The following LRRC4C variants were observed in gnomAD, a reference collection of about 807,000 sequenced individuals.
LRRC4C encodes the protein leucine-rich repeat-containing protein 4C.
Under a neutral mutation model 33.6 loss-of-function variants are expected in LRRC4C, and 5 were observed. The ratio of observed to expected loss-of-function variants is 0.15; its 90% CI spans 0.08 to 0.31. LRRC4C has a LOEUF of 0.31. Ranked by LOEUF, LRRC4C falls within the 10% of genes least tolerant of loss-of-function variation. The probability of loss-of-function intolerance (pLI) is 1.00; values close to 1 mark genes in which losing one functional copy is unlikely to be tolerated. For synonymous variants in LRRC4C, 329 were observed against 302.0 expected (o/e 1.09, Z -0.93); for missense variants, 560 against 796.7 (o/e 0.70, Z 3.58).
chr11:40,861,167 C>T (rs1015595377), intron 2 of LRRC4C, among the ~76,000 whole-genome samples: 1 of 151,580 alleles, frequency 6.6e-6, no homozygotes, highest in Non-Finnish European at 1.5e-5. Flanking sequence ...TAAAGAATAC[C>T]CTCAAAATAT....
Position 40,787,700 on chromosome 11 carries a change from T to C in LRRC4C, c.-406-139422A>G, listed in dbSNP as rs543369655. On this transcript the variant is annotated intron_variant, in intron 2 of 6. Transcript: ENST00000528697. ...TTATTTTGGCAATTTAAAAAGATCC[T>C]ATTAAAGGCACATAATTTAAATATA... Among the ~76,000 whole-genome samples, 28 of 152,344 alleles carry C rather than the reference T, an allele frequency of 1.8e-4. 1 individual carries two copies. The South Asian group carries it at 5.4e-3, about 29-fold the overall frequency.
rs1010451730 is a variant in LRRC4C, at chr11:40,660,188, C to T, written c.-406-11910G>A. 2.0e-5 allele frequency among the ~76,000 whole-genome samples: 3 copies of T among 152,234 alleles called. No homozygotes were observed. The East Asian group carries it at 5.8e-4, about 29-fold the overall frequency. ...GAACCTGTGCCAGCACCTGGAGCTGCCTGCCCCACCACAGCAGCTGGTGTG... is the reference window on the plus strand; with the variant it reads ...GAACCTGTGCCAGCACCTGGAGCTGTCTGCCCCACCACAGCAGCTGGTGTG... On this transcript the variant is annotated intron_variant, in intron 2 of 6. Transcript: ENST00000528697.
intron 1 of LRRC4C, among the ~76,000 whole-genome samples, chr11:41,284,202 A>G (rs1013852275): frequency 2.0e-5 from 3 of 152,232 alleles, no homozygotes; most frequent in Non-Finnish European, 4.4e-5. Flanking sequence ...CAAGTTTACT[A>G]TACTTACTGA....
In LRRC4C at chr11:40,902,984, T is replaced by A. The variant is rs547357028; in HGVS notation, c.-407+30651A>T. ...AAGATCATTAATGAAGGTAGCTACATCAAACAACAGATTTTCAATGTAGAT... is the reference window on the plus strand; with the variant it reads ...AAGATCATTAATGAAGGTAGCTACAACAAACAACAGATTTTCAATGTAGAT... On this transcript the variant is annotated intron_variant, in intron 2 of 6. Coordinates refer to ENST00000528697, the MANE Select transcript of LRRC4C (RefSeq NM_001258419.2). 3.4e-3 allele frequency among the ~76,000 whole-genome samples: 516 copies of A among 152,136 alleles called. 4 individuals are homozygous for A. Among genetic ancestry groups the A allele is most frequent in the Non-Finnish European group, 5.5e-3 (373 of 68,000 alleles).
At chr11:40,633,325 T>TTCTC (rs772299978) in intron 3 of LRRC4C, among the ~76,000 whole-genome samples, 16,112 of 108,336 alleles carry the variant, frequency 0.15, 1,861 homozygotes, top group East Asian at 0.39. Flanking sequence ...CAAGTTTTCT[T>TTCTC]TTTCTTTCTT....
At chr11:40,735,268 G>A (rs1374438656) in intron 2 of LRRC4C, among the ~76,000 whole-genome samples, 2 of 151,800 alleles carry the variant, frequency 1.3e-5, no homozygotes, top group African/African-American at 4.8e-5. Context: ...CCATTAACTC[G>A]TCATTTAGCA....
At chr11:40,166,108 T>A (rs1334341001) in intron 5 of LRRC4C, among the ~76,000 whole-genome samples, 1 of 152,190 alleles carries the variant, frequency 6.6e-6, no homozygotes, top group Non-Finnish European at 1.5e-5. Flanking sequence ...CTATAACCAG[T>A]ACAAATGTGT....
chr11:41,225,786 T>C (rs562861250), intron 1 of LRRC4C, among the ~76,000 whole-genome samples: 1 of 152,146 alleles, frequency 6.6e-6, no homozygotes, highest in Non-Finnish European at 1.5e-5. Context: ...CTTTTCTGTG[T>C]CTTAAGCCTA....
At chr11:40,471,928 A>T (rs1952959166) in intron 3 of LRRC4C, among the ~76,000 whole-genome samples, 1 of 152,168 alleles carries the variant, frequency 6.6e-6, no homozygotes, top group African/African-American at 2.4e-5. Flanking sequence ...AACACTTCTC[A>T]GCAAATGCAA....
chr11:40,461,770 C>G (rs1021762291), intron 3 of LRRC4C, among the ~76,000 whole-genome samples: 1 of 150,430 alleles, frequency 6.6e-6, no homozygotes, highest in Non-Finnish European at 1.5e-5. Context: ...TAGTCTTACA[C>G]GGACCTTGTA....
chr11:41,070,263 A>G (rs1163364620), intron 1 of LRRC4C, among the ~76,000 whole-genome samples: 1 of 152,130 alleles, frequency 6.6e-6, no homozygotes, highest in Non-Finnish European at 1.5e-5. Context: ...ATACAAAATT[A>G]TCTCAAGATG....
At chr11:40,824,872 T>TTACAATATAATTAG (rs1952091795) in intron 2 of LRRC4C, among the ~76,000 whole-genome samples, 1 of 151,956 alleles carries the variant, frequency 6.6e-6, no homozygotes, top group African/African-American at 2.4e-5. Context: ...TTATGCCTTT[T>TTACAATATAATTAG]TACAATATAC....
At chr11:40,988,721 T>C (rs1479402601) in intron 1 of LRRC4C, among the ~76,000 whole-genome samples, 9 of 143,022 alleles carry the variant, frequency 6.3e-5, no homozygotes, top group African/African-American at 2.3e-4. Flanking sequence ...TTCTTTTTTT[T>C]TTTTTTTTTT....
At chr11:40,924,911 C>T (rs970814284) in intron 2 of LRRC4C, among the ~76,000 whole-genome samples, 1 of 152,160 alleles carries the variant, frequency 6.6e-6, no homozygotes, top group Non-Finnish European at 1.5e-5. Flanking sequence ...TCAATTCCAG[C>T]AAGTGTGTTT....
At chr11:40,766,578 T>C (rs1314657705) in intron 2 of LRRC4C, among the ~76,000 whole-genome samples, 2 of 151,926 alleles carry the variant, frequency 1.3e-5, no homozygotes, top group Non-Finnish European at 1.5e-5. Flanking sequence ...TAAAAAGATA[T>C]ACATAGAAAC....
chr11:40,338,602 T>C (rs2136992861), intron 3 of LRRC4C, among the ~76,000 whole-genome samples: 1 of 152,326 alleles, frequency 6.6e-6, no homozygotes, highest in East Asian at 1.9e-4. Context: ...GAGGTCTATC[T>C]TGTACACTCA....
rs150533567 is a variant in LRRC4C at position 40,688,950 on chromosome 11, G to A, written c.-406-40672C>T. Among the ~76,000 whole-genome samples the A allele has an allele frequency of 7.0e-3, 1,062 of 152,152 alleles. 11 individuals are homozygous for A. The highest frequency in any genetic ancestry group is 0.025 in the African/African-American group (1,019 of 41,510). On this transcript the variant is annotated intron_variant, in intron 2 of 6. Transcript: ENST00000528697. ...CCGAGGTGTAAATAAGAAAACAACG[G>A]AGAATGATATTCTAGCTTTGAAATT...
intron 1 of LRRC4C, among the ~76,000 whole-genome samples, chr11:41,137,305 C>A (rs951912199): frequency 6.6e-6 from 1 of 152,018 alleles, no homozygotes; most frequent in African/African-American, 2.4e-5. Context: ...CATTCATAGA[C>A]CATCACAGAT....
intron 3 of LRRC4C, among the ~76,000 whole-genome samples, chr11:40,610,851 AT>A (rs1961145196): frequency 6.6e-6 from 1 of 151,886 alleles, no homozygotes; most frequent in Admixed American, 6.6e-5. Context: ...AATATATAAA[AT>A]ATTACTGAAA....
Sources: gnomAD v4.1 joint callset for allele counts (sites outside exome capture counted in the v4.1 genomes callset) on GRCh38, gnomAD v4.1.1 for gene constraint, MANE v1.5 for transcripts, NCBI Gene and HGNC (gene_info 2026-07-23, HGNC 2026-07-21) for gene names.